The following GPC6 variants were observed in gnomAD, a reference collection of about 807,000 sequenced individuals.
GPC6 encodes glypican 6.
A neutral mutation model predicts 55.2 loss-of-function variants in GPC6; 14 were observed. The ratio of observed to expected loss-of-function variants is 0.25; its 90% CI spans 0.17 to 0.40. GPC6 has a LOEUF of 0.40. Among genes scored for constraint, GPC6 ranks in the 10% least tolerant of loss-of-function variants. GPC6 has a pLI of 1.00. For missense variants in GPC6, 641 were observed against 708.5 expected (o/e 0.90, Z 1.08); for synonymous variants, 278 against 259.6 (o/e 1.07, Z -0.68).
chr13:94,226,325 C>T (rs141849645), intron 4 of GPC6, among the ~76,000 whole-genome samples: 59 of 152,218 alleles, frequency 3.9e-4, no homozygotes, highest in African/African-American at 1.4e-3. Context: ...CCCAGAGTTA[C>T]AGTTGGATAG....
intron 1 of GPC6, among the ~76,000 whole-genome samples, chr13:93,344,923 G>A (rs1334575894): frequency 6.6e-6 from 1 of 152,072 alleles, no homozygotes; most frequent in Non-Finnish European, 1.5e-5. Context: ...TTAAACTAGA[G>A]GCAATATGCC....
intron 2 of GPC6, among the ~76,000 whole-genome samples, chr13:93,700,552 G>GTC (rs1182827512): frequency 2.0e-5 from 3 of 152,064 alleles, no homozygotes; most frequent in African/African-American, 7.2e-5. Flanking sequence ...TTTAAATGAG[G>GTC]AAAATATTGA....
intron 1 of GPC6, among the ~76,000 whole-genome samples, chr13:93,315,225 T>C (rs1430635684): frequency 1.3e-5 from 2 of 152,090 alleles, no homozygotes; most frequent in East Asian, 1.9e-4. Context: ...TAAAGAGATA[T>C]GTTGTTTGTT....
chr13:93,535,081 A>G (rs948920400), intron 1 of GPC6, among the ~76,000 whole-genome samples: 2 of 152,104 alleles, frequency 1.3e-5, no homozygotes, highest in African/African-American at 4.8e-5. Context: ...CATGTTCTGC[A>G]TTTTTGGTCT....
chr13:93,671,947 A>G (rs1881376369), intron 2 of GPC6, among the ~76,000 whole-genome samples: 1 of 152,120 alleles, frequency 6.6e-6, no homozygotes, highest in Non-Finnish European at 1.5e-5. Context: ...CATTGAATCC[A>G]CAACTCATTA....
At chr13:93,637,557 A>T (rs1208844556) in intron 2 of GPC6, among the ~76,000 whole-genome samples, 1 of 152,140 alleles carries the variant, frequency 6.6e-6, no homozygotes, top group Admixed American at 6.6e-5. Flanking sequence ...TATGGAACAG[A>T]TTATTTTCAG....
intron 1 of GPC6, among the ~76,000 whole-genome samples, chr13:93,363,266 C>T (rs1881113813): frequency 1.3e-5 from 2 of 151,698 alleles, no homozygotes; most frequent in African/African-American, 4.8e-5. Context: ...GTATATCTCC[C>T]AATGCTATCC....
At chr13:94,215,294 T>A (rs1284016474) in intron 4 of GPC6, among the ~76,000 whole-genome samples, 1 of 152,132 alleles carries the variant, frequency 6.6e-6, no homozygotes, top group Non-Finnish European at 1.5e-5. Flanking sequence ...ACATCACCAA[T>A]CAGTTCTACA....
chr13:93,292,530 C>T lies in GPC6; in HGVS notation c.160+64914C>T, dbSNP rs139994368. Among the ~76,000 whole-genome samples, 789 of 152,050 alleles carry T rather than the reference C, an allele frequency of 5.2e-3. 6 individuals carry two copies. Among genetic ancestry groups the T allele is most frequent in the Admixed American group, 7.8e-3 (119 of 15,276 alleles). On this transcript the variant is annotated intron_variant, in intron 1 of 8. Coordinates refer to ENST00000377047, the MANE Select transcript of GPC6 (RefSeq NM_005708.5). The stretch of plus-strand genomic sequence containing the variant: ...TATGCTCACAAATATTTAAAGAAAG[C>T]GTTTCCATGACTTGGCAGATATTAC...
At chr13:94,102,872 A>C (rs949843817) in intron 4 of GPC6, among the ~76,000 whole-genome samples, 4 of 152,084 alleles carry the variant, frequency 2.6e-5, no homozygotes, top group African/African-American at 9.7e-5. Flanking sequence ...TATCTCCCAC[A>C]AGATTTTTAA....
chr13:94,171,298 C>T (rs558358565), intron 4 of GPC6, among the ~76,000 whole-genome samples: 11 of 152,270 alleles, frequency 7.2e-5, no homozygotes, highest in Admixed American at 2.0e-4. Context: ...ACACAGCCAG[C>T]GCAACATAGA....
Position 93,861,598 on chromosome 13 carries a change from G to T in GPC6, c.711+31053G>T, listed in dbSNP as rs114795089. Among the ~76,000 whole-genome samples the T allele has an allele frequency of 4.6e-3, 704 of 151,600 alleles. 8 individuals carry two copies. Among genetic ancestry groups the T allele is most frequent in the African/African-American group, 0.016 (675 of 41,430 alleles). The stretch of plus-strand genomic sequence containing the variant: ...ATTTTAAGCCCATTTCTGGCACCTG[G>T]TGTCATTTACCCTTGAAAGGTTTTG... On this transcript the variant is annotated intron_variant, in intron 3 of 8. Coordinates refer to ENST00000377047, the MANE Select transcript of GPC6 (RefSeq NM_005708.5).
At chr13:93,228,047 G>A (rs1239293324) in intron 1 of GPC6, among the ~76,000 whole-genome samples, 1 of 152,138 alleles carries the variant, frequency 6.6e-6, no homozygotes, top group East Asian at 2.0e-4. Flanking sequence ...TCTGAGTGGC[G>A]CCTTCTCCAC....
intron 2 of GPC6, among the ~76,000 whole-genome samples, chr13:93,682,506 T>A (rs1406231826): frequency 6.6e-6 from 1 of 152,000 alleles, no homozygotes; most frequent in Non-Finnish European, 1.5e-5. Context: ...AGTGCCTCCA[T>A]CCAGAAGGAA....
At chr13:94,200,932 C>T (rs1889726545) in intron 4 of GPC6, among the ~76,000 whole-genome samples, 1 of 152,132 alleles carries the variant, frequency 6.6e-6, no homozygotes, top group Non-Finnish European at 1.5e-5. Context: ...AGCCTGGGGT[C>T]CCAGTAATGC....
intron 2 of GPC6, among the ~76,000 whole-genome samples, chr13:93,567,221 T>C (rs542267296): frequency 1.6e-4 from 24 of 152,254 alleles, no homozygotes; most frequent in Non-Finnish European, 3.5e-4. Context: ...CAATATGTGC[T>C]GTAATAGACA....
At chr13:93,639,639 G>A (rs1879830840) in intron 2 of GPC6, among the ~76,000 whole-genome samples, 1 of 152,124 alleles carries the variant, frequency 6.6e-6, no homozygotes, top group South Asian at 2.1e-4. Flanking sequence ...TGGAATTAAA[G>A]CATACAGATT....
intron 1 of GPC6, among the ~76,000 whole-genome samples, chr13:93,359,514 A>G (rs187852622): frequency 6.6e-6 from 1 of 152,316 alleles, no homozygotes; most frequent in East Asian, 1.9e-4. Context: ...ATATGTGTTT[A>G]TAATAAATAT....
chr13:94,175,722 T>C (rs545836644), intron 4 of GPC6, among the ~76,000 whole-genome samples: 12 of 151,522 alleles, frequency 7.9e-5, no homozygotes, highest in Non-Finnish European at 1.8e-4. Flanking sequence ...GGATTCTCTG[T>C]ATGGTTTTAA....
Sources: gnomAD v4.1 joint callset for allele counts (sites outside exome capture counted in the v4.1 genomes callset) on GRCh38, gnomAD v4.1.1 for gene constraint, MANE v1.5 for transcripts, NCBI Gene and HGNC (gene_info 2026-07-23, HGNC 2026-07-21) for gene names.